ZFYVE9: variants seen among roughly 807,000 people sequenced by gnomAD.
ZFYVE9 encodes the protein zinc finger FYVE-type containing 9.
In ZFYVE9, 43 loss-of-function variants were observed where a neutral mutation model predicts 126.7. The ratio of observed to expected loss-of-function variants is 0.34; its 90% CI spans 0.27 to 0.44. The LOEUF (loss-of-function observed/expected upper bound fraction) is 0.44, where lower values mean the gene tolerates loss of function less well. Among genes scored for constraint, ZFYVE9 ranks in the 20% least tolerant of loss-of-function variants. ZFYVE9 has a pLI of 1.00. For synonymous variants in ZFYVE9, 521 were observed against 597.4 expected (o/e 0.87, Z 1.87); for missense variants, 1,476 against 1,697.0 (o/e 0.87, Z 2.29).
chr1:52,219,243 C>G (rs1425813130), intron 2 of ZFYVE9, among the ~76,000 whole-genome samples: 1 of 151,892 alleles, frequency 6.6e-6, no homozygotes, highest in Non-Finnish European at 1.5e-5. Flanking sequence ...AGACAGGCAT[C>G]GAATGTAATT....
intron 4 of ZFYVE9, among the ~76,000 whole-genome samples, chr1:52,248,451 T>G (rs1319162765): frequency 1.3e-5 from 2 of 152,166 alleles, no homozygotes; most frequent in Non-Finnish European, 2.9e-5. Flanking sequence ...AGAGTGGGTC[T>G]TCTTCTCCCA....
intron 4 of ZFYVE9, among the ~76,000 whole-genome samples, chr1:52,260,469 T>TC (rs1645567530): frequency 6.6e-6 from 1 of 152,140 alleles, no homozygotes; most frequent in Non-Finnish European, 1.5e-5. Context: ...TCCTTTTTTT[T>TC]CTCCCTACAC....
chr1:52,251,488 G>A (rs1645446216), intron 4 of ZFYVE9, among the ~76,000 whole-genome samples: 1 of 151,964 alleles, frequency 6.6e-6, no homozygotes. Flanking sequence ...TTTTGTTCAG[G>A]TAATGTGATT....
At position 52,286,822 on chromosome 1, in the gene ZFYVE9, C is replaced by T. The variant is rs112306000; in HGVS notation, c.3025+5006C>T. ...CATGATCTGTTCCTATATTTTTAGT[C>T]TCATCTCCTGCTAGTCATCTCTCCA... is the stretch of plus-strand genomic sequence containing the variant. On this transcript the variant is annotated intron_variant, in intron 10 of 18. Transcript: ENST00000287727. 5.1e-3 allele frequency among the ~76,000 whole-genome samples: 769 copies of T among 152,230 alleles called. 3 individuals are homozygous for T. Among genetic ancestry groups the T allele is most frequent in the Middle Eastern group, 0.014 (4 of 294 alleles).
intron 4 of ZFYVE9, among the ~76,000 whole-genome samples, chr1:52,261,530 T>C (rs1325668609): frequency 1.3e-5 from 2 of 152,216 alleles, no homozygotes; most frequent in Non-Finnish European, 2.9e-5. Flanking sequence ...GCCCAGTACA[T>C]AGTAAGAGTT....
At position 52,237,517 on chromosome 1, in the gene ZFYVE9, AC is replaced by A; in HGVS notation, c.101del (p.Thr34LysfsTer7). The A allele has an allele frequency of 6.2e-7, 1 of 1,612,946 alleles. No individual in the cohort carries two copies. Among genetic ancestry groups the A allele is most frequent in the South Asian group, 1.1e-5 (1 of 90,920 alleles). On this transcript the variant is annotated frameshift_variant, in exon 4 of 19. Transcript: ENST00000287727. LOFTEE classifies it high-confidence loss of function. ...DETVSSTLLDTKWNKILDPPS... is the reference protein window; with the variant it reads ...DETVSSTLLDXKWNKILDPPS... The stretch of plus-strand genomic sequence containing the variant: ...AACAGTTTCTTCTACTTTATTGGAT[AC>A]AAAGTGGAATAAGATTCTAGATCCC...
Position 52,142,703 on chromosome 1 carries a change from G to C in ZFYVE9, c.-143+300G>C, listed in dbSNP as rs1203742072. Among the ~76,000 whole-genome samples, 2 of 152,118 alleles carry C rather than the reference G, an allele frequency of 1.3e-5. No homozygotes were observed. The highest frequency in any genetic ancestry group is 4.8e-5 in the African/African-American group (2 of 41,468). On this transcript the variant is annotated intron_variant, in intron 1 of 18. Coordinates refer to ENST00000287727, the MANE Select transcript of ZFYVE9 (RefSeq NM_004799.4). The surrounding 1 kb of genome is among the most constrained non-coding windows in gnomAD (Gnocchi z 4.5). ...CCGCCTTTCGGGTTTGCATGGGCCCGGGCCGAGCGCAGCCTCTTAGCCCGG... is the reference window on the plus strand; with the variant it reads ...CCGCCTTTCGGGTTTGCATGGGCCCCGGCCGAGCGCAGCCTCTTAGCCCGG...
intron 1 of ZFYVE9, among the ~76,000 whole-genome samples, chr1:52,179,230 A>G (rs930707294): frequency 6.6e-6 from 1 of 152,206 alleles, no homozygotes. Flanking sequence ...CAGAAGACAT[A>G]CTAGGTTTTA....
chr1:52,183,968 A>G lies in ZFYVE9; in HGVS notation c.-142-32401A>G, dbSNP rs661830. Among the ~76,000 whole-genome samples, 1,011 of 150,364 alleles carry G rather than the reference A, an allele frequency of 6.7e-3. 10 individuals are homozygous for G. The highest frequency in any genetic ancestry group is 0.011 in the Non-Finnish European group (742 of 67,750). Reference sequence around the variant, plus strand: ...CTCGACTTCCCAAAGTGCTGGGATTACAGGCGTGAGCCACCGCACCTGGCC... The same window carrying G: ...CTCGACTTCCCAAAGTGCTGGGATTGCAGGCGTGAGCCACCGCACCTGGCC... On this transcript the variant is annotated intron_variant, in intron 1 of 18. Coordinates refer to ENST00000287727, the MANE Select transcript of ZFYVE9 (RefSeq NM_004799.4).
chr1:52,317,513 A>G (rs967745462), intron 13 of ZFYVE9, among the ~76,000 whole-genome samples: 22 of 151,874 alleles, frequency 1.4e-4, no homozygotes, highest in African/African-American at 2.4e-5. Context: ...AAAAAAAGAC[A>G]TCTCAAATCA....
chr1:52,257,798 G>A (rs970880843), intron 4 of ZFYVE9, among the ~76,000 whole-genome samples: 2 of 152,128 alleles, frequency 1.3e-5, no homozygotes, highest in African/African-American at 4.8e-5. Context: ...GCGGTGGCGC[G>A]ATCTCTGCTC....
intron 5 of ZFYVE9, among the ~76,000 whole-genome samples, chr1:52,264,450 A>G (rs1645613676): frequency 6.6e-6 from 1 of 152,214 alleles, no homozygotes; most frequent in African/African-American, 2.4e-5. Context: ...GGTAAAAAGA[A>G]TATGGCCGGG....
chr1:52,247,842 C>G (rs563109406), intron 4 of ZFYVE9, among the ~76,000 whole-genome samples: 2 of 152,194 alleles, frequency 1.3e-5, no homozygotes, highest in South Asian at 4.2e-4. Flanking sequence ...TTCCTTGCCC[C>G]TAATGCCTGG....
At chr1:52,177,751 T>C (rs1023724251) in intron 1 of ZFYVE9, among the ~76,000 whole-genome samples, 5 of 152,158 alleles carry the variant, frequency 3.3e-5, no homozygotes, top group African/African-American at 1.2e-4. Context: ...GAGGGGTGTT[T>C]TAAGCAGAGG....
chr1:52,171,310 C>T (rs1644566686), intron 1 of ZFYVE9, among the ~76,000 whole-genome samples: 1 of 152,154 alleles, frequency 6.6e-6, no homozygotes, highest in Admixed American at 6.6e-5. Context: ...TCATCCATGT[C>T]CCTACAAAGG....
intron 14 of ZFYVE9, 22 bp downstream of exon 14, chr1:52,332,940 G>C: frequency 6.2e-7 from 1 of 1,613,742 alleles, no homozygotes; most frequent in Non-Finnish European, 8.5e-7. Flanking sequence ...AGCTGGTTGA[G>C]ATTATGATAA....
chr1:52,265,076 A>G (rs1291304848), intron 5 of ZFYVE9, among the ~76,000 whole-genome samples: 2 of 152,198 alleles, frequency 1.3e-5, no homozygotes, highest in Non-Finnish European at 2.9e-5. Flanking sequence ...TTAACTTGGC[A>G]TAGCTAAAGA....
Position 52,238,822 on chromosome 1 carries a change from CCAG to C in ZFYVE9, c.1411_1413del (p.Ala471del). 1.2e-6 allele frequency: 2 copies of C among 1,614,064 alleles called. No individual in the cohort carries two copies. Among genetic ancestry groups the C allele is most frequent in the Non-Finnish European group, 1.7e-6 (2 of 1,179,968 alleles). ...TGATTTCTCCACTGTTATAGACACA[CCAG>C]CAGCAAATTATCTATCTAATGGTTG... is the stretch of plus-strand genomic sequence containing the variant. On this transcript the variant is annotated inframe_deletion, in exon 4 of 19. Coordinates refer to ENST00000287727, the MANE Select transcript of ZFYVE9 (RefSeq NM_004799.4).
intron 4 of ZFYVE9, among the ~76,000 whole-genome samples, chr1:52,257,175 T>C (rs1019941974): frequency 7.2e-5 from 11 of 152,094 alleles, no homozygotes; most frequent in African/African-American, 2.7e-4. Flanking sequence ...GTGGGAAATT[T>C]TAAAAGGAAA....
Sources: allele counts gnomAD v4.1 joint callset (sites outside exome capture counted in the v4.1 genomes callset), GRCh38; gene constraint gnomAD v4.1.1; non-coding constraint Gnocchi (gnomAD v3.1); transcripts MANE v1.5; gene names NCBI Gene and HGNC (gene_info 2026-07-23, HGNC 2026-07-21).